The following SDK1 variants were observed in gnomAD, a reference collection of about 807,000 sequenced individuals.
SDK1 encodes the protein protein sidekick-1.
Under a neutral mutation model 245.5 loss-of-function variants are expected in SDK1, and 157 were observed. The observed-to-expected ratio is 0.64, with a 90% CI of 0.56 to 0.73. SDK1 has a LOEUF of 0.73. Among genes scored for constraint, SDK1 ranks in the 30% least tolerant of loss-of-function variants. The probability of loss-of-function intolerance (pLI) is 0.00; values close to 1 mark genes in which losing one functional copy is unlikely to be tolerated. For missense variants in SDK1, 3,583 were observed against 3,002.3 expected (o/e 1.19, Z -4.52); for synonymous variants, 1,647 against 1,278.5 (o/e 1.29, Z -6.15).
intron 4 of SDK1, among the ~76,000 whole-genome samples, chr7:3,764,240 A>AG (rs1463930420): frequency 6.6e-6 from 1 of 152,204 alleles, no homozygotes; most frequent in African/African-American, 2.4e-5. Context: ...TCTGTATTTA[A>AG]GGGAGATTGA....
intron 39 of SDK1, among the ~76,000 whole-genome samples, chr7:4,220,515 G>GTTT (rs34675135): frequency 0.11 from 15,923 of 140,412 alleles, 1,101 homozygotes; most frequent in African/African-American, 0.17. Flanking sequence ...AGTTTTAGTT[G>GTTT]TTTTTTTTTT....
intron 1 of SDK1, among the ~76,000 whole-genome samples, chr7:3,340,017 C>T (rs1365763179): frequency 6.6e-6 from 1 of 152,078 alleles, no homozygotes; most frequent in Non-Finnish European, 1.5e-5. Flanking sequence ...GATATCACTA[C>T]AGAGGCTGCA....
At chr7:4,016,922 A>G (rs568692183) in intron 16 of SDK1, among the ~76,000 whole-genome samples, 36 of 152,152 alleles carry the variant, frequency 2.4e-4, no homozygotes, top group Non-Finnish European at 4.0e-4. Context: ...AAAAGCTGTA[A>G]TTTTTTCTTA....
chr7:3,457,140 T>G (rs752218880), intron 1 of SDK1, among the ~76,000 whole-genome samples: 2 of 152,154 alleles, frequency 1.3e-5, no homozygotes, highest in Non-Finnish European at 2.9e-5. Context: ...TGTGCTTACT[T>G]GGGTGTCGTT....
At chr7:4,212,362 T>C (rs1784554260) in intron 38 of SDK1, among the ~76,000 whole-genome samples, 1 of 152,142 alleles carries the variant, frequency 6.6e-6, no homozygotes, top group African/African-American at 2.4e-5. Flanking sequence ...CCCAATACTT[T>C]TGTATCATCA....
chr7:4,096,316 C>T (rs1252280397), intron 22 of SDK1, among the ~76,000 whole-genome samples: 1 of 152,122 alleles, frequency 6.6e-6, no homozygotes, highest in East Asian at 1.9e-4. Flanking sequence ...CAGGCAAGGC[C>T]AGGGGAAGGT....
chr7:3,620,697 C>G (rs1781910215), intron 2 of SDK1, among the ~76,000 whole-genome samples: 1 of 152,136 alleles, frequency 6.6e-6, no homozygotes, highest in Non-Finnish European at 1.5e-5. Flanking sequence ...GCTGCCTGGT[C>G]TGCAGCCCCA....
At chr7:4,242,615 T>C (rs887394066) in intron 43 of SDK1, among the ~76,000 whole-genome samples, 4 of 152,090 alleles carry the variant, frequency 2.6e-5, no homozygotes, top group Admixed American at 6.5e-5. Flanking sequence ...CTGAGGACGC[T>C]TCGTCTGGAG....
chr7:3,962,561 T>G, intron 8 of SDK1, 96 bp from the exon 9 acceptor site: 1 of 1,104,050 alleles, frequency 9.1e-7, no homozygotes, highest in Non-Finnish European at 1.3e-6. Context: ...AAAATGCCTA[T>G]TAAAATATTG....
At chr7:3,324,818 C>G (rs1466461485) in intron 1 of SDK1, among the ~76,000 whole-genome samples, 1 of 152,060 alleles carries the variant, frequency 6.6e-6, no homozygotes, top group Non-Finnish European at 1.5e-5. Flanking sequence ...TAAACCTATG[C>G]CCAGGAAAAA....
intron 32 of SDK1, among the ~76,000 whole-genome samples, chr7:4,171,634 A>G (rs1161819623): frequency 6.6e-6 from 1 of 152,236 alleles, no homozygotes; most frequent in Non-Finnish European, 1.5e-5. Flanking sequence ...AGCCGGCACC[A>G]AGGTCCCCTC....
At chr7:3,321,834 T>TCC (rs1562412863) in intron 1 of SDK1, among the ~76,000 whole-genome samples, 13 of 139,164 alleles carry the variant, frequency 9.3e-5, no homozygotes, top group African/African-American at 2.8e-4. Flanking sequence ...CCTTCCTCCT[T>TCC]TTCTCTCTCT....
intron 4 of SDK1, among the ~76,000 whole-genome samples, chr7:3,723,973 G>C (rs1311207443): frequency 6.8e-6 from 1 of 147,300 alleles, no homozygotes; most frequent in African/African-American, 2.5e-5. Context: ...GAGAGAGAGA[G>C]AGAGAAAGAG....
intron 1 of SDK1, among the ~76,000 whole-genome samples, chr7:3,546,217 C>T (rs961605807): frequency 1.3e-5 from 2 of 152,040 alleles, no homozygotes; most frequent in East Asian, 1.9e-4. Context: ...ATGATGACAC[C>T]GCGGGTCTGG....
chr7:3,501,188 C>A (rs1436738647), intron 1 of SDK1, among the ~76,000 whole-genome samples: 1 of 152,062 alleles, frequency 6.6e-6, no homozygotes, highest in Non-Finnish European at 1.5e-5. Flanking sequence ...TGCTTGAGCT[C>A]TTTTCTTGGG....
At chr7:3,710,769 C>T (rs1785026879) in intron 4 of SDK1, among the ~76,000 whole-genome samples, 1 of 152,196 alleles carries the variant, frequency 6.6e-6, no homozygotes, top group African/African-American at 2.4e-5. Flanking sequence ...GGCAGCCAAC[C>T]TCCGTGTATG....
chr7:3,722,341 C>G (rs890611067), intron 4 of SDK1, among the ~76,000 whole-genome samples: 2 of 152,118 alleles, frequency 1.3e-5, no homozygotes, highest in African/African-American at 4.8e-5. Context: ...GTTTAGGAAA[C>G]AATCAGAACA....
At chr7:4,041,231 CAA>C (rs1228877240) in intron 17 of SDK1, among the ~76,000 whole-genome samples, 3 of 151,438 alleles carry the variant, frequency 2.0e-5, no homozygotes, top group Non-Finnish European at 4.4e-5. Flanking sequence ...CAGATCCTCT[CAA>C]GAGAGTTACC....
intron 5 of SDK1, 69 bp from the exon 6 acceptor site, chr7:3,950,854 C>T: frequency 3.3e-6 from 4 of 1,208,590 alleles, no homozygotes; most frequent in Non-Finnish European, 4.8e-6. Flanking sequence ...GAACGTGTCC[C>T]CTCAGATAAC....
Sources: gnomAD v4.1 joint callset for allele counts (sites outside exome capture counted in the v4.1 genomes callset) on GRCh38, gnomAD v4.1.1 for gene constraint, MANE v1.5 for transcripts, NCBI Gene and HGNC (gene_info 2026-07-23, HGNC 2026-07-21) for gene names.